The following DYNC1LI2 variants were observed in gnomAD, a reference collection of about 807,000 sequenced individuals.
The protein encoded by DYNC1LI2 is dynein cytoplasmic 1 light intermediate chain 2.
A neutral mutation model predicts 57.8 loss-of-function variants in DYNC1LI2; 19 were observed. The observed-to-expected ratio is 0.33, with a 90% confidence interval of 0.23 to 0.48. The LOEUF (loss-of-function observed/expected upper bound fraction) is 0.48, where lower values mean the gene tolerates loss of function less well. DYNC1LI2 is among the 20% of genes least tolerant of loss of function. The pLI, the probability that DYNC1LI2 is intolerant of heterozygous loss-of-function variation, is 0.99. For missense variants in DYNC1LI2, 470 were observed against 604.2 expected (o/e 0.78, Z 2.33); for synonymous variants, 256 against 233.4 (o/e 1.10, Z -0.88).
Position 66,723,124 on chromosome 16 carries a change from A to G in DYNC1LI2, c.*598T>C, listed in dbSNP as rs1267762144. On this transcript the variant is annotated 3_prime_UTR_variant, in exon 13 of 13. Transcript: ENST00000258198. Reference sequence around the variant, plus strand: ...TTAAAGATGCATTCAAAATAAGCCTAATTCCCATTTTGCTTAGTGTTTTGT... The same window carrying G: ...TTAAAGATGCATTCAAAATAAGCCTGATTCCCATTTTGCTTAGTGTTTTGT... 2 of 344,638 alleles carry G rather than the reference A, an allele frequency of 5.8e-6. No individual in the cohort carries two copies. The highest frequency in any genetic ancestry group is 1.2e-5 in the Non-Finnish European group (2 of 172,890). The allele number at this position is 344,638 out of a possible 1,614,324, so 21.3% of individuals were successfully genotyped here.
chr16:66,728,534 C>T (rs2017576921), intron 9 of DYNC1LI2, among the ~76,000 whole-genome samples: 1 of 152,182 alleles, frequency 6.6e-6, no homozygotes, highest in South Asian at 2.1e-4. Context: ...TTCCTGCTGA[C>T]CTGCCTGTAC....
chr16:66,730,330 T>G (rs949342554), intron 7 of DYNC1LI2, 107 bp from the exon 8 acceptor site: 4 of 916,624 alleles, frequency 4.4e-6, no homozygotes, highest in Non-Finnish European at 6.5e-6. Flanking sequence ...CAAGATATAG[T>G]GTGTAGTTGT....
At chr16:66,734,082 A>C in intron 6 of DYNC1LI2, 136 bp downstream of exon 6, 1 of 699,246 alleles carries the variant, frequency 1.4e-6, no homozygotes, top group South Asian at 2.0e-5. Context: ...GTAAAACATA[A>C]ACCTAGTAAA....
At position 66,723,480 on chromosome 16, in the gene DYNC1LI2, C is replaced by T; in HGVS notation, c.*242G>A. 1 of 600,092 alleles carries T rather than the reference C, an allele frequency of 1.7e-6. No homozygotes were observed. The highest frequency in any genetic ancestry group is 3.1e-6 in the Non-Finnish European group (1 of 321,354). The allele number at this position is 600,092 out of a possible 1,614,324, so 37.2% of individuals were successfully genotyped here. ...CAAGAAGCCCAGATGTGCTTGCCTC[C>T]CACAAAAGAGCCACATGCCCCAGAG... On this transcript the variant is annotated 3_prime_UTR_variant, in exon 13 of 13. Coordinates refer to ENST00000258198, the MANE Select transcript of DYNC1LI2 (RefSeq NM_006141.3).
rs528184472 is a variant in DYNC1LI2, at chr16:66,726,880, G to A, written c.1261+808C>T. 5.9e-5 allele frequency among the ~76,000 whole-genome samples: 9 copies of A among 151,510 alleles called. No individual in the cohort carries two copies. The East Asian group carries it at 7.8e-4, about 13-fold the overall frequency. On this transcript the variant is annotated intron_variant, in intron 11 of 12. Coordinates refer to ENST00000258198, the MANE Select transcript of DYNC1LI2 (RefSeq NM_006141.3). ...ACTCCTGCCCTCAAGTGATCTGCCC[G>A]CCTCAGCCTCCCAAAGTGCTGGCTT...
At chr16:66,748,299 A>C (rs1262843008) in intron 3 of DYNC1LI2, among the ~76,000 whole-genome samples, 26 of 151,264 alleles carry the variant, frequency 1.7e-4, no homozygotes, top group Non-Finnish European at 3.0e-5. Context: ...AAAAAAAAAA[A>C]AAAAAACTAA....
chr16:66,746,071 T>C (rs1423817525), intron 3 of DYNC1LI2, among the ~76,000 whole-genome samples: 1 of 152,208 alleles, frequency 6.6e-6, no homozygotes, highest in Non-Finnish European at 1.5e-5. Flanking sequence ...ATAAAGTATC[T>C]AAATCTAGCA....
Position 66,721,150 on chromosome 16 carries a change from T to C in DYNC1LI2, c.*2572A>G, listed in dbSNP as rs1441959656. The C allele has an allele frequency of 6.6e-6, 1 of 152,656 alleles. No individual in the cohort carries two copies. The highest frequency in any genetic ancestry group is 1.5e-5 in the Non-Finnish European group (1 of 68,036). 9.5% of individuals were successfully genotyped at this position (152,656 alleles called of 1,614,324 possible). A position where few individuals can be genotyped will look rare whatever the true frequency, so the allele number is the denominator to read the frequency against. On this transcript the variant is annotated 3_prime_UTR_variant, in exon 13 of 13. Transcript: ENST00000258198. ...GTCATGATGTACAGAGCAGTCACTT[T>C]CAACTTTGTTAAATTAATAAAACAT...
intron 3 of DYNC1LI2, among the ~76,000 whole-genome samples, chr16:66,748,651 A>G (rs1305196516): frequency 6.6e-6 from 1 of 151,938 alleles, no homozygotes; most frequent in Non-Finnish European, 1.5e-5. Flanking sequence ...GCAGTCCCCA[A>G]CTCCTGGCCT....
At chr16:66,730,688 G>T (rs2017619852) in intron 7 of DYNC1LI2, 1 of 153,466 alleles carries the variant, frequency 6.5e-6, no homozygotes, top group African/African-American at 2.4e-5. Context: ...TTGTAGACTG[G>T]TTCATTAACT....
At chr16:66,747,173 G>A (rs2017951915) in intron 3 of DYNC1LI2, among the ~76,000 whole-genome samples, 1 of 151,260 alleles carries the variant, frequency 6.6e-6, no homozygotes, top group Admixed American at 6.6e-5. Context: ...CTGCCTCCCA[G>A]GTTGAAGCGA....
intron 2 of DYNC1LI2, among the ~76,000 whole-genome samples, chr16:66,749,939 A>G (rs2145013676): frequency 6.6e-6 from 1 of 152,304 alleles, no homozygotes; most frequent in Admixed American, 6.5e-5. Context: ...CCTTCCCCGG[A>G]TCCTTAAACA....
chr16:66,749,686 A>T (rs1597000630), intron 2 of DYNC1LI2, among the ~76,000 whole-genome samples: 2 of 152,188 alleles, frequency 1.3e-5, no homozygotes, highest in African/African-American at 4.8e-5. Context: ...AAAACAAGAA[A>T]TCTTCAAAAT....
chr16:66,728,232 G>C lies in DYNC1LI2; in HGVS notation c.1112C>G (p.Ala371Gly). 1.9e-6 allele frequency: 3 copies of C among 1,614,098 alleles called. No individual in the cohort carries two copies. The highest frequency in any genetic ancestry group is 2.5e-6 in the Non-Finnish European group (3 of 1,180,008). ...TCTCGTGGGAGTGGCTGGTTGCTTG[G>C]CAAGGAGTGACTGCAAAGAGAGGGA... Reference protein sequence around the residue: ...VFLMKQQSLLAKQPATPTRAS... With the variant: ...VFLMKQQSLLGKQPATPTRAS... The change falls in exon 10 of 13, where the codon GCC (alanine) becomes GGC (glycine). Residue 371 changes from alanine to glycine, a missense_variant. Transcript: ENST00000258198.
chr16:66,723,254 C>T lies in DYNC1LI2; in HGVS notation c.*468G>A. 2.3e-6 allele frequency: 1 copy of T among 439,664 alleles called. No individual in the cohort carries two copies. Among genetic ancestry groups the T allele is most frequent in the South Asian group, 1.6e-5 (1 of 62,248 alleles). The allele number at this position is 439,664 out of a possible 1,614,324, so 27.2% of individuals were successfully genotyped here. A position where few individuals can be genotyped will look rare whatever the true frequency, so the allele number is the denominator to read the frequency against. On this transcript the variant is annotated 3_prime_UTR_variant, in exon 13 of 13. Transcript: ENST00000258198. The stretch of plus-strand genomic sequence containing the variant: ...TCCACCTCCCTCAACATTCAGCTTC[C>T]CCACCATCACTTGTCTCATTACTCC...
At position 66,749,391 on chromosome 16, in the gene DYNC1LI2, C is replaced by T. The variant is rs1025046141; in HGVS notation, c.182-78G>A. On this transcript the variant is annotated intron_variant, in intron 2 of 12. Transcript: ENST00000258198. ...GGGGAGGCATGACACTCACATGACACGGAGAAACTAAGAATTTCATGCAAA... is the reference window on the plus strand; with the variant it reads ...GGGGAGGCATGACACTCACATGACATGGAGAAACTAAGAATTTCATGCAAA... 7.6e-5 allele frequency: 102 copies of T among 1,345,798 alleles called. No homozygotes were observed. In the African/African-American group the frequency reaches 1.1e-3, roughly 14 times the overall value. 83.4% of individuals were successfully genotyped at this position (1,345,798 alleles called of 1,614,324 possible).
intron 3 of DYNC1LI2, among the ~76,000 whole-genome samples, chr16:66,746,260 A>T (rs2017934517): frequency 6.6e-6 from 1 of 152,172 alleles, no homozygotes; most frequent in Non-Finnish European, 1.5e-5. Context: ...CTTGGAGATC[A>T]CACCACGTGT....
intron 9 of DYNC1LI2, 112 bp from the exon 10 acceptor site, chr16:66,728,354 A>G: frequency 3.2e-6 from 4 of 1,262,790 alleles, no homozygotes; most frequent in Middle Eastern, 1.9e-4. Flanking sequence ...AACAACAACT[A>G]AGTCCTATGT....
intron 5 of DYNC1LI2, among the ~76,000 whole-genome samples, chr16:66,735,100 G>T (rs1381768020): frequency 1.8e-4 from 24 of 134,842 alleles, no homozygotes; most frequent in Non-Finnish European, 2.8e-4. Flanking sequence ...AACTTTGTTT[G>T]TTTTTTTTTT....
Sources: gnomAD v4.1 joint callset for allele counts (sites outside exome capture counted in the v4.1 genomes callset) on GRCh38, gnomAD v4.1.1 for gene constraint, MANE v1.5 for transcripts, NCBI Gene and HGNC (gene_info 2026-07-23, HGNC 2026-07-21) for gene names.